Variants in ZNF614 observed in about 807,000 individuals in gnomAD.
ZNF614 encodes zinc finger protein 614.
A neutral mutation model predicts 12.8 loss-of-function variants in ZNF614; 11 were observed. The ratio of observed to expected loss-of-function variants is 0.86; its 90% CI spans 0.54 to 1.43. ZNF614 has a LOEUF of 1.43. Among genes scored for constraint, ZNF614 ranks in the 40% most tolerant of loss-of-function variants. The pLI is 0.00. For synonymous variants in ZNF614, 237 were observed against 237.5 expected, an observed-to-expected ratio of 1.00 and a Z score of 0.02; for missense variants, 664 against 708.8, an observed-to-expected ratio of 0.94 and a Z score of 0.72.
intron 2 of ZNF614, among the ~76,000 whole-genome samples, chr19:52,023,400 C>G (rs1378709270): frequency 6.6e-6 from 1 of 152,062 alleles, no homozygotes; most frequent in African/African-American, 2.4e-5. Context: ...ATCTCTTGAC[C>G]TCATGATCCG....
intron 2 of ZNF614, among the ~76,000 whole-genome samples, chr19:52,024,776 C>T (rs1457638228): frequency 1.3e-5 from 2 of 152,212 alleles, no homozygotes; most frequent in East Asian, 3.8e-4. Flanking sequence ...CAACACACTG[C>T]AGAAGGCCAC....
rs1238928706 is a variant in ZNF614 at position 52,018,018 on chromosome 19, T to C, written c.228A>G (p.Lys76=). The C allele has an allele frequency of 6.2e-7, 1 of 1,613,704 alleles. No individual in the cohort carries two copies. Among genetic ancestry groups the C allele is most frequent in the Non-Finnish European group, 8.5e-7 (1 of 1,179,850 alleles). The change falls in exon 4 of 5, where the codon AAA becomes AAG. Residue 76 remains lysine, a synonymous_variant. Transcript: ENST00000270649. ...CTGGTTCTCACTTACCTGGACAATT[T>C]TTATTCTGAATTTTAGCATCTGTTG... ...PWTTDAKIQN[K]NCPGIGKVDS... is the part of the protein sequence containing the mutation.
chr19:52,013,960 G>A lies in ZNF614; in HGVS notation c.*1880C>T, dbSNP rs1302635919. The A allele has an allele frequency of 6.6e-6, 1 of 152,202 alleles. No individual in the cohort carries two copies. Among genetic ancestry groups the A allele is most frequent in the East Asian group, 1.9e-4 (1 of 5,204 alleles). 9.4% of individuals were successfully genotyped at this position (152,202 alleles called of 1,614,324 possible). A position where few individuals can be genotyped will look rare whatever the true frequency, so the allele number is the denominator to read the frequency against. On this transcript the variant is annotated 3_prime_UTR_variant, in exon 5 of 5. Coordinates refer to ENST00000270649, the MANE Select transcript of ZNF614 (RefSeq NM_025040.4). ...AAATTGGTTGAAGGATACTAGCAAA[G>A]CCTCTAGACTGCTTTTGCAATTTCG...
chr19:52,027,739 A>G (rs925254345), intron 1 of ZNF614, among the ~76,000 whole-genome samples: 1 of 152,200 alleles, frequency 6.6e-6, no homozygotes, highest in Admixed American at 6.5e-5. Flanking sequence ...ATGAAGCAAA[A>G]CAGAATGAGA....
chr19:52,023,340 T>C (rs191982756), intron 2 of ZNF614, among the ~76,000 whole-genome samples: 19 of 151,990 alleles, frequency 1.3e-4, no homozygotes, highest in African/African-American at 4.6e-4. Context: ...AGCTAATTTT[T>C]GTATTTTTAG....
At position 52,015,904 on chromosome 19, in the gene ZNF614, A is replaced by G. The variant is rs377286967; in HGVS notation, c.1694T>C (p.Met565Thr). 1.2e-6 allele frequency: 2 copies of G among 1,613,960 alleles called. No homozygotes were observed. Among genetic ancestry groups the G allele is most frequent in the African/African-American group, 2.7e-5 (2 of 74,906 alleles). The stretch of plus-strand genomic sequence containing the variant: ...GTTTTCAACTTGACTGATTCTACCC[A>G]TTTCTCTTGTGTGCATTTTCTTATG... ...VKHKKMHTREMGRISQVENSC... is the reference protein window; with the variant it reads ...VKHKKMHTRETGRISQVENSC... Residue 565 changes from methionine (M) to threonine (T), a missense_variant, in exon 5 of 5, where the codon ATG (methionine) becomes ACG (threonine). Met to Thr is a moderately conservative substitution (Grantham distance 81, BLOSUM62 -1). Coordinates refer to ENST00000270649, the MANE Select transcript of ZNF614 (RefSeq NM_025040.4).
intron 2 of ZNF614, among the ~76,000 whole-genome samples, chr19:52,021,535 G>C (rs1171485148): frequency 2.0e-5 from 3 of 152,122 alleles, no homozygotes; most frequent in Non-Finnish European, 4.4e-5. Flanking sequence ...CCAGGAGTTT[G>C]AGACCAACCT....
In ZNF614 at chr19:52,015,601, A is replaced by G; in HGVS notation, c.*239T>C. 2.4e-6 allele frequency: 1 copy of G among 421,480 alleles called. No homozygotes were observed. Among genetic ancestry groups the G allele is most frequent in the Non-Finnish European group, 4.2e-6 (1 of 236,950 alleles). 26.1% of individuals were successfully genotyped at this position (421,480 alleles called of 1,614,324 possible). ...AATATAGTTTATTCAACGTATTTTC[A>G]TTGACAGAAAATATGAGGTAAAAGA... On this transcript the variant is annotated 3_prime_UTR_variant, in exon 5 of 5. Coordinates refer to ENST00000270649, the MANE Select transcript of ZNF614 (RefSeq NM_025040.4).
chr19:52,026,512 G>C (rs553063593), intron 1 of ZNF614, among the ~76,000 whole-genome samples: 3 of 152,188 alleles, frequency 2.0e-5, no homozygotes, highest in African/African-American at 4.8e-5. Context: ...GCGGAAGGCC[G>C]CGGGGACCTC....
In ZNF614 at chr19:52,018,101, A is replaced by G; in HGVS notation, c.145T>C (p.Tyr49His). 3 of 1,613,696 alleles carry G rather than the reference A, an allele frequency of 1.9e-6. No homozygotes were observed. Residue 49 changes from tyrosine to histidine, a missense_variant and splice_region_variant, in exon 4 of 5, where the codon TAT becomes CAT. Transcript: ENST00000270649. ...AGTACATCTGGTTTGCTAGTTTGAT[A>G]CCCTGTTCATGAGGAAAGACAAACA... ...ENYNHLVSLG[Y>H]QTSKPDVLSK... is the part of the protein sequence containing the mutation.
At position 52,017,992 on chromosome 19, in the gene ZNF614, G is replaced by A. The variant is rs1568514311; in HGVS notation, c.238+16C>T. The stretch of plus-strand genomic sequence containing the variant: ...TAAGACTCCTATAGCCACTGTCCTT[G>A]CTGGTTCTCACTTACCTGGACAATT... On this transcript the variant is annotated intron_variant, in intron 4 of 4. Transcript: ENST00000270649. 1 of 1,600,202 alleles carries A rather than the reference G, an allele frequency of 6.2e-7. No homozygotes were observed. Among genetic ancestry groups the A allele is most frequent in the East Asian group, 2.2e-5 (1 of 44,754 alleles).
At position 52,020,067 on chromosome 19, in the gene ZNF614, T is replaced by G. The variant is rs528686848; in HGVS notation, c.16-1573A>C. 3.3e-4 allele frequency among the ~76,000 whole-genome samples: 51 copies of G among 152,340 alleles called. 1 individual carries two copies. The highest frequency in any genetic ancestry group is 3.4e-3 in the Middle Eastern group (1 of 292). On this transcript the variant is annotated intron_variant, in intron 2 of 4. Coordinates refer to ENST00000270649, the MANE Select transcript of ZNF614 (RefSeq NM_025040.4). ...AAGAATTTATTACTGGATGGAAATC[T>G]TGCAGGCCAACTCTAAGGTGTCCTC...
chr19:52,018,166 A>C, intron 3 of ZNF614, 63 bp from the exon 4 acceptor site: 1 of 1,493,762 alleles, frequency 6.7e-7, no homozygotes, highest in South Asian at 1.1e-5. Context: ...CAAGATGGAA[A>C]AATAATACAT....
In ZNF614 at chr19:52,014,916, T is replaced by G. The variant is rs2086887318; in HGVS notation, c.*924A>C. On this transcript the variant is annotated 3_prime_UTR_variant, in exon 5 of 5. Transcript: ENST00000270649. ...AAAACAAAACAAAACCAAAAAACTC[T>G]TATCACTCATGAAATTCTAAGCGTT... 1 of 152,134 alleles carries G rather than the reference T, an allele frequency of 6.6e-6. No homozygotes were observed. The highest frequency in any genetic ancestry group is 1.9e-4 in the East Asian group (1 of 5,196). 9.4% of individuals were successfully genotyped at this position (152,134 alleles called of 1,614,324 possible).
intron 1 of ZNF614, among the ~76,000 whole-genome samples, chr19:52,026,222 AAG>A (rs1475136080): frequency 6.6e-6 from 1 of 152,244 alleles, no homozygotes; most frequent in Admixed American, 6.5e-5. Flanking sequence ...GGGGAAAAGA[AAG>A]AGAGATCAGA....
At position 52,015,708 on chromosome 19, in the gene ZNF614, A is replaced by G; in HGVS notation, c.*132T>C. On this transcript the variant is annotated 3_prime_UTR_variant, in exon 5 of 5. Transcript: ENST00000270649. ...TATTTCACCTCCTGAGGACAGACAC[A>G]CATCTGTCAACAGGCAGCACCATGT... is the stretch of plus-strand genomic sequence containing the variant. The G allele has an allele frequency of 1.2e-6, 1 of 834,438 alleles. No individual in the cohort carries two copies. The highest frequency in any genetic ancestry group is 1.7e-5 in the South Asian group (1 of 58,262). The allele number at this position is 834,438 out of a possible 1,614,324, so 51.7% of individuals were successfully genotyped here.
chr19:52,022,154 C>T (rs1323106650), intron 2 of ZNF614, among the ~76,000 whole-genome samples: 1 of 152,196 alleles, frequency 6.6e-6, no homozygotes, highest in Non-Finnish European at 1.5e-5. Flanking sequence ...TGTTTTCCAA[C>T]ACTAACAACC....
At chr19:52,023,187 G>C (rs200290168) in intron 2 of ZNF614, among the ~76,000 whole-genome samples, 2 of 118,718 alleles carry the variant, frequency 1.7e-5, no homozygotes, top group Non-Finnish European at 3.5e-5. Flanking sequence ...TTTTTTTTTT[G>C]AGATGGAGTA....
chr19:52,015,571 A>C lies in ZNF614; in HGVS notation c.*269T>G, dbSNP rs893336996. ...AGAAATTATTGCTCAAAACATCTCC[A>C]CATTAATATAGTTTATTCAACGTAT... On this transcript the variant is annotated 3_prime_UTR_variant, in exon 5 of 5. Coordinates refer to ENST00000270649, the MANE Select transcript of ZNF614 (RefSeq NM_025040.4). 3.3e-6 allele frequency: 1 copy of C among 301,782 alleles called. No homozygotes were observed. The highest frequency in any genetic ancestry group is 2.2e-5 in the African/African-American group (1 of 46,120). 18.7% of individuals were successfully genotyped at this position (301,782 alleles called of 1,614,324 possible).
Sources: allele counts gnomAD v4.1 joint callset (sites outside exome capture counted in the v4.1 genomes callset), GRCh38; gene constraint gnomAD v4.1.1; transcripts MANE v1.5; gene names NCBI Gene and HGNC (gene_info 2026-07-23, HGNC 2026-07-21).